PCSK7: variants seen among roughly 807,000 people sequenced by gnomAD.
PCSK7 encodes lymphoma proprotein convertase.
In PCSK7, 38 loss-of-function variants were observed where a neutral mutation model predicts 73.3. That is an observed-to-expected ratio of 0.52 (90% CI 0.40 to 0.68). PCSK7 has a LOEUF of 0.68. Among genes scored for constraint, PCSK7 ranks in the 30% least tolerant of loss-of-function variants. The pLI, the probability that PCSK7 is intolerant of heterozygous loss-of-function variation, is 0.00. For synonymous variants in PCSK7, 296 were observed against 383.8 expected (o/e 0.77, Z 2.68); for missense variants, 692 against 991.5 (o/e 0.70, Z 4.06).
chr11:117,228,860 T>A (rs1486974356), intron 3 of PCSK7, among the ~76,000 whole-genome samples: 1 of 152,202 alleles, frequency 6.6e-6, no homozygotes, highest in Non-Finnish European at 1.5e-5. Flanking sequence ...GACCTCGTGA[T>A]CTGCCCATCT....
intron 12 of PCSK7, chr11:117,210,788 A>T (rs1263284650): frequency 1.3e-5 from 2 of 152,216 alleles, no homozygotes; most frequent in Non-Finnish European, 2.9e-5. Flanking sequence ...ATAAAAAATT[A>T]GCTGGATATA....
chr11:117,230,010 C>T, intron 2 of PCSK7, 154 bp from the exon 3 acceptor site: 1 of 585,530 alleles, frequency 1.7e-6, no homozygotes, highest in Non-Finnish European at 3.0e-6. Flanking sequence ...TTTTTGTTCA[C>T]ATTTATCCCT....
At chr11:117,222,586 C>T (rs1263676047) in intron 9 of PCSK7, 1 of 151,724 alleles carries the variant, frequency 6.6e-6, no homozygotes, top group African/African-American at 2.4e-5. Context: ...GAAGACACTG[C>T]AAAGAAGTTG....
Position 117,208,974 on chromosome 11 carries a change from C to T in PCSK7, c.1614G>A (p.Arg538=), listed in dbSNP as rs1186712275. ...VAVTVSITHP[R]RGSLELKLFC... is the part of the protein sequence containing the mutation. ...ACAGCTTCAGCTCCAAGCTGCCGCG[C>T]CGTGGGTGAGTGATGGAGACTGTCA... Residue 538 remains arginine, a synonymous_variant, in exon 13 of 17, where the codon CGG becomes CGA. Coordinates refer to ENST00000320934, the MANE Select transcript of PCSK7 (RefSeq NM_004716.4). 1 of 1,611,522 alleles carries T rather than the reference C, an allele frequency of 6.2e-7. No individual in the cohort carries two copies. Among genetic ancestry groups the T allele is most frequent in the African/African-American group, 1.3e-5 (1 of 74,826 alleles).
rs2031256648 is a variant in PCSK7, at chr11:117,204,552, C to T, written c.*1445G>A. The T allele has an allele frequency of 1.1e-5, 9 of 829,590 alleles. No homozygotes were observed. Among genetic ancestry groups the T allele is most frequent in the Admixed American group, 4.0e-5 (2 of 49,398 alleles). The allele number at this position is 829,590 out of a possible 1,614,324, so 51.4% of individuals were successfully genotyped here. A position where few individuals can be genotyped will look rare whatever the true frequency, so the allele number is the denominator to read the frequency against. ...CCCAGCCTCAGCCCAACTTCTTACC[C>T]GAAAGCATCACTGCCTTGGCCCCTC... On this transcript the variant is annotated 3_prime_UTR_variant, in exon 17 of 17. Transcript: ENST00000320934.
rs116981680 is a variant in PCSK7, at chr11:117,229,418, C to T, written c.427G>A (p.Val143Ile). Reference sequence around the variant, plus strand: ...GGGTACTTGGGGTCGTTGAAGTGGACGCTGCGCTTGGCCCGCCTTAGCAGC... The same window carrying T: ...GGGTACTTGGGGTCGTTGAAGTGGATGCTGCGCTTGGCCCGCCTTAGCAGC... ...QRLLRRAKRS[V>I]HFNDPKYPQQ... Residue 143 changes from valine to isoleucine, a missense_variant, in exon 3 of 17, where the codon GTC becomes ATC. Around this residue, in one of 6 missense-constraint regions of PCSK7, gnomAD observed 574 missense variants for 689.8 expected, o/e 0.83. Coordinates refer to ENST00000320934, the MANE Select transcript of PCSK7 (RefSeq NM_004716.4). The T allele has an allele frequency of 1.7e-5, 28 of 1,608,972 alleles. 1 individual carries two copies. The highest frequency in any genetic ancestry group is 3.3e-4 in the Middle Eastern group (2 of 6,062).
At position 117,228,199 on chromosome 11, in the gene PCSK7, G is replaced by A. The variant is rs550074446; in HGVS notation, c.603+17C>T. On this transcript the variant is annotated intron_variant, in intron 4 of 16. Transcript: ENST00000320934. ...TAAGACGTGGGGAGTGAGGGGTGTC[G>A]TTCCAGGGCCACTCACATAGTTGGG... The A allele has an allele frequency of 3.4e-5, 55 of 1,611,506 alleles. No individual in the cohort carries two copies. Among genetic ancestry groups the A allele is most frequent in the South Asian group, 5.5e-5 (5 of 90,744 alleles).
At position 117,228,209 on chromosome 11, in the gene PCSK7, C is replaced by T. The variant is rs747841451; in HGVS notation, c.603+7G>A. 1.2e-6 allele frequency: 2 copies of T among 1,613,024 alleles called. No individual in the cohort carries two copies. The highest frequency in any genetic ancestry group is 1.7e-6 in the Non-Finnish European group (2 of 1,179,384). ...GGAGTGAGGGGTGTCGTTCCAGGGC[C>T]ACTCACATAGTTGGGTGCAATGTCC... On this transcript the variant is annotated splice_region_variant and intron_variant, in intron 4 of 16. Coordinates refer to ENST00000320934, the MANE Select transcript of PCSK7 (RefSeq NM_004716.4).
At chr11:117,217,711 A>G (rs2032040874) in intron 12 of PCSK7, 1 of 152,144 alleles carries the variant, frequency 6.6e-6, no homozygotes, top group Admixed American at 6.5e-5. Context: ...TAAGCATAGC[A>G]TACTTCCTTT....
At chr11:117,213,317 A>T (rs940171193) in intron 12 of PCSK7, 3 of 152,226 alleles carry the variant, frequency 2.0e-5, no homozygotes, top group Non-Finnish European at 4.4e-5. Flanking sequence ...TTGCAAGGGA[A>T]AGGGCTGGGG....
chr11:117,223,363 G>T, intron 8 of PCSK7, 55 bp from the exon 9 acceptor site: 2 of 1,084,128 alleles, frequency 1.8e-6, no homozygotes, highest in Admixed American at 3.4e-5. Context: ...CCTGTGGCAG[G>T]GGCTTGCTAA....
chr11:117,229,595 C>T lies in PCSK7; in HGVS notation c.250G>A (p.Val84Met), dbSNP rs372157250. ...AGCTCTCCGATGCGTCCAGCATTCA[C>T]CAGCCCTGCTGCCTGGGCCAAGGCA... is the stretch of plus-strand genomic sequence containing the variant. Reference protein sequence around the residue: ...ADALAQAAGLVNAGRIGELQG... With the variant: ...ADALAQAAGLMNAGRIGELQG... Residue 84 changes from valine to methionine, a missense_variant, in exon 3 of 17, where the codon GTG becomes ATG. By Grantham distance (21) the Val-to-Met change is conservative. Transcript: ENST00000320934. 6.4e-5 allele frequency: 104 copies of T among 1,614,040 alleles called. No homozygotes were observed. The highest frequency in any genetic ancestry group is 8.1e-5 in the Non-Finnish European group (96 of 1,180,038).
rs1269946049 is a variant in PCSK7 at position 117,229,692 on chromosome 11, C to G, written c.153G>C (p.Gly51=). 2 of 1,613,636 alleles carry G rather than the reference C, an allele frequency of 1.2e-6. No individual in the cohort carries two copies. Among genetic ancestry groups the G allele is most frequent in the Admixed American group, 3.3e-5 (2 of 60,016 alleles). The part of the protein sequence containing the change: ...TGGPDGQGTG[G]PSWAVHLESL... ...TTTCCAGGTGCACAGCCCAGCTCGG[C>G]CCCCCTGTGCCCTGGCCATCAGGCC... Residue 51 remains glycine (G), a synonymous_variant, in exon 3 of 17, where the codon GGG becomes GGC. Coordinates refer to ENST00000320934, the MANE Select transcript of PCSK7 (RefSeq NM_004716.4).
At chr11:117,228,004 G>C (rs888242893) in intron 4 of PCSK7, among the ~76,000 whole-genome samples, 4 of 152,172 alleles carry the variant, frequency 2.6e-5, no homozygotes, top group Non-Finnish European at 5.9e-5. Flanking sequence ...CTCAGAAAAG[G>C]ACTAGAACTG....
Position 117,224,187 on chromosome 11 carries a change from A to G in PCSK7, c.945T>C (p.Gly315=), listed in dbSNP as rs1173662117. 1.9e-6 allele frequency: 3 copies of G among 1,614,050 alleles called. No homozygotes were observed. In the East Asian group the frequency reaches 6.7e-5, roughly 36 times the overall value. The change falls in exon 8 of 17, where the codon GGT becomes GGC. Residue 315 remains glycine, a synonymous_variant. Transcript: ENST00000320934. ...CAAAGATGCTCCCAAAGCCCTGGCGACCAGCAATCACCCCATGTTGTAAGG... is the reference window on the plus strand; with the variant it reads ...CAAAGATGCTCCCAAAGCCCTGGCGGCCAGCAATCACCCCATGTTGTAAGG... The part of the protein sequence containing the change: ...KAALQHGVIA[G]RQGFGSIFVV...
chr11:117,221,335 C>A (rs78628783), intron 9 of PCSK7: 1 of 152,168 alleles, frequency 6.6e-6, no homozygotes, highest in Non-Finnish European at 1.5e-5. Context: ...TGCAAGGGAG[C>A]GGGTTGATTT....
chr11:117,206,596 G>T (rs2031415616), intron 16 of PCSK7, 85 bp downstream of exon 16: 1 of 611,598 alleles, frequency 1.6e-6, no homozygotes, highest in Admixed American at 3.0e-5. Flanking sequence ...TCACCCCGCA[G>T]GTCACCCTGA....
chr11:117,217,947 G>A (rs940694608), intron 12 of PCSK7: 1 of 152,354 alleles, frequency 6.6e-6, no homozygotes, highest in Non-Finnish European at 1.5e-5. Flanking sequence ...CCACCATGGA[G>A]GCGGAGGCAG....
Position 117,218,342 on chromosome 11 carries a change from A to G in PCSK7, c.1534+124T>C. ...CTAAAATGGTCAAAGAAAACTCCAC[A>G]GGTTTGGCTGGAGCTCAGCTCCGAA... On this transcript the variant is annotated intron_variant, in intron 12 of 16. Transcript: ENST00000320934. This position sits in a 1 kb window ranked among gnomAD's most constrained non-coding sequence, Gnocchi z 4.0. 1.9e-6 allele frequency: 1 copy of G among 538,908 alleles called. No homozygotes were observed. The highest frequency in any genetic ancestry group is 3.3e-6 in the Non-Finnish European group (1 of 301,712). 33.4% of individuals were successfully genotyped at this position (538,908 alleles called of 1,614,324 possible). A position where few individuals can be genotyped will look rare whatever the true frequency, so the allele number is the denominator to read the frequency against.
Sources: gnomAD v4.1 joint callset for allele counts (sites outside exome capture counted in the v4.1 genomes callset) on GRCh38, gnomAD v4.1.1 for gene constraint, gnomAD v4.1.1 regional missense constraint, Gnocchi (gnomAD v3.1) non-coding constraint, MANE v1.5 for transcripts, NCBI Gene and HGNC (gene_info 2026-07-23, HGNC 2026-07-21) for gene names.